Variants in FBXO15 observed in about 807,000 individuals in gnomAD.
FBXO15 encodes the protein F-box protein 15, also known as F-box only protein 15.
A neutral mutation model predicts 49.5 loss-of-function variants in FBXO15; 30 were observed. The observed-to-expected ratio is 0.61, with a 90% CI of 0.45 to 0.82. The LOEUF (loss-of-function observed/expected upper bound fraction) is 0.82. Ranked by LOEUF, FBXO15 falls within the 40% of genes least tolerant of loss-of-function variation. The pLI, the probability that FBXO15 is intolerant of heterozygous loss-of-function variation, is 0.00. For synonymous variants in FBXO15, 250 were observed against 232.7 expected (o/e 1.07, Z -0.68); for missense variants, 591 against 631.5 (o/e 0.94, Z 0.69).
At chr18:74,142,146 T>C (rs1215310445) in intron 1 of FBXO15, among the ~76,000 whole-genome samples, 2 of 152,292 alleles carry the variant, frequency 1.3e-5, no homozygotes, top group East Asian at 1.9e-4. Context: ...TTTGGTCTTA[T>C]ATGACTTTCT....
intron 8 of FBXO15, among the ~76,000 whole-genome samples, chr18:74,115,337 T>C (rs1282595259): frequency 1.7e-4 from 26 of 152,196 alleles, no homozygotes; most frequent in Non-Finnish European, 2.9e-5. Flanking sequence ...ACTCTGTGAC[T>C]TGAGAACCTA....
At chr18:74,122,164 C>T (rs1914503104) in intron 8 of FBXO15, among the ~76,000 whole-genome samples, 1 of 152,180 alleles carries the variant, frequency 6.6e-6, no homozygotes, top group Non-Finnish European at 1.5e-5. Context: ...ACCTACTAAT[C>T]CCAGAATCCA....
chr18:74,106,917 C>T (rs971554597), intron 8 of FBXO15, among the ~76,000 whole-genome samples: 1 of 151,882 alleles, frequency 6.6e-6, no homozygotes, highest in Non-Finnish European at 1.5e-5. Context: ...TTTTCAAGAA[C>T]TATTTAGTGG....
rs145744656 is a variant in FBXO15, at chr18:74,081,880, T to C, written c.1263+47A>G. On this transcript the variant is annotated intron_variant, in intron 9 of 9. Coordinates refer to ENST00000419743, the MANE Select transcript of FBXO15 (RefSeq NM_001142958.2). The stretch of plus-strand genomic sequence containing the variant: ...ATATATATAAACAGACTTTTTATTA[T>C]ATAGAAATCAAGTTACTTGAAGAAA... 6.1e-5 allele frequency: 82 copies of C among 1,346,922 alleles called. No individual in the cohort carries two copies. In the African/African-American group the frequency reaches 9.5e-4, roughly 16 times the overall value. The allele number at this position is 1,346,922 out of a possible 1,614,324, so 83.4% of individuals were successfully genotyped here. A position where few individuals can be genotyped will look rare whatever the true frequency, so the allele number is the denominator to read the frequency against.
chr18:74,083,018 T>G (rs139030184), intron 8 of FBXO15, among the ~76,000 whole-genome samples: 2 of 152,216 alleles, frequency 1.3e-5, no homozygotes, highest in Non-Finnish European at 2.9e-5. Context: ...AACTTCAGTG[T>G]CACCAGAAGG....
chr18:74,128,290 G>A (rs73476539), intron 5 of FBXO15, among the ~76,000 whole-genome samples: 1,847 of 151,412 alleles, frequency 0.012, 41 homozygotes, highest in African/African-American at 0.042. Context: ...AAGAGCAGGC[G>A]CCATGGAGAG....
chr18:74,137,405 A>G (rs1348184546), intron 2 of FBXO15, among the ~76,000 whole-genome samples: 2 of 152,244 alleles, frequency 1.3e-5, no homozygotes, highest in East Asian at 3.8e-4. Context: ...ACAAAAAAAC[A>G]GAGCTGGGCT....
chr18:74,124,528 T>C lies in FBXO15; in HGVS notation c.956A>G (p.His319Arg), dbSNP rs1282402079. The C allele has an allele frequency of 1.9e-6, 3 of 1,613,990 alleles. No individual in the cohort carries two copies. The highest frequency in any genetic ancestry group is 2.2e-5 in the East Asian group (1 of 44,878). ...LAFVMANLHF[H>R]HLVERSTLGS... ...TAATGTGCTCCTCTCCACAAGGTGA[T>C]GAAAATGAAGATTTGCCATAACAAA... is the stretch of plus-strand genomic sequence containing the variant. The change falls in exon 7 of 10, where the codon CAT becomes CGT. Residue 319 changes from histidine to arginine, a missense_variant. His to Arg is a conservative substitution (Grantham distance 29). Transcript: ENST00000419743.
chr18:74,096,840 C>G (rs761416949), intron 8 of FBXO15, among the ~76,000 whole-genome samples: 1 of 152,138 alleles, frequency 6.6e-6, no homozygotes, highest in African/African-American at 2.4e-5. Flanking sequence ...AGAAAAGACA[C>G]AGACCCTCTG....
intron 1 of FBXO15, among the ~76,000 whole-genome samples, chr18:74,142,887 C>T (rs1027797969): frequency 3.3e-5 from 5 of 152,100 alleles, no homozygotes; most frequent in African/African-American, 1.2e-4. Flanking sequence ...AAAAGCATGA[C>T]TTATTTTTAA....
chr18:74,105,427 T>TA (rs1017693325), intron 8 of FBXO15, among the ~76,000 whole-genome samples: 14 of 152,090 alleles, frequency 9.2e-5, no homozygotes, highest in Non-Finnish European at 1.8e-4. Flanking sequence ...GGCATCAATT[T>TA]AAAAAAATTA....
intron 8 of FBXO15, among the ~76,000 whole-genome samples, chr18:74,101,226 T>C (rs936611350): frequency 2.6e-5 from 4 of 152,158 alleles, no homozygotes; most frequent in African/African-American, 7.2e-5. Context: ...GTGGGTTTCA[T>C]ACCAGGGATG....
At chr18:74,124,374 C>T (rs2145191004) in intron 7 of FBXO15, 115 bp downstream of exon 7, 1 of 822,626 alleles carries the variant, frequency 1.2e-6, no homozygotes, top group Non-Finnish European at 2.0e-6. Context: ...TTTGTGTTTA[C>T]TGATTAAAAA....
chr18:74,104,834 A>C (rs1382079119), intron 8 of FBXO15, among the ~76,000 whole-genome samples: 1 of 152,192 alleles, frequency 6.6e-6, no homozygotes, highest in Non-Finnish European at 1.5e-5. Flanking sequence ...TACAGTAATA[A>C]TAGAGTGCTT....
At chr18:74,086,306 C>T (rs1408840295) in intron 8 of FBXO15, among the ~76,000 whole-genome samples, 3 of 152,196 alleles carry the variant, frequency 2.0e-5, no homozygotes, top group Non-Finnish European at 2.9e-5. Flanking sequence ...AAGGAGATCA[C>T]CTGCACTTCT....
At position 74,096,704 on chromosome 18, in the gene FBXO15, G is replaced by T. The variant is rs577737946; in HGVS notation, c.1139-14653C>A. Among the ~76,000 whole-genome samples the T allele has an allele frequency of 2.7e-5, 4 of 150,614 alleles. No homozygotes were observed. The South Asian group carries it at 8.4e-4, about 32-fold the overall frequency. ...AAAAAACAGTAACTGACCCTAACAA[G>T]ATGGCGATATGTGAGCTTTCTGACC... is the stretch of plus-strand genomic sequence containing the variant. On this transcript the variant is annotated intron_variant, in intron 8 of 9. Coordinates refer to ENST00000419743, the MANE Select transcript of FBXO15 (RefSeq NM_001142958.2).
intron 1 of FBXO15, 22 bp downstream of exon 1, chr18:74,147,648 C>T (rs1166534824): frequency 7.2e-7 from 1 of 1,393,804 alleles, no homozygotes; most frequent in Non-Finnish European, 9.3e-7. Context: ...CAGGGGACCC[C>T]ACCCGCAGGC....
chr18:74,142,196 A>G (rs1979120689), intron 1 of FBXO15, among the ~76,000 whole-genome samples: 1 of 152,236 alleles, frequency 6.6e-6, no homozygotes, highest in Admixed American at 6.5e-5. Context: ...GGGCAGGAAG[A>G]CAGGGAGAAA....
At chr18:74,141,901 A>G (rs1979100324) in intron 1 of FBXO15, among the ~76,000 whole-genome samples, 1 of 152,196 alleles carries the variant, frequency 6.6e-6, no homozygotes. Flanking sequence ...GCAGCTACAG[A>G]GTAAATTCCT....
Sources: allele counts gnomAD v4.1 joint callset (sites outside exome capture counted in the v4.1 genomes callset), GRCh38; gene constraint gnomAD v4.1.1; transcripts MANE v1.5; gene names NCBI Gene and HGNC (gene_info 2026-07-23, HGNC 2026-07-21).